Variants in MECOM observed in about 807,000 individuals in gnomAD.
MECOM encodes histone-lysine N-methyltransferase MECOM.
A neutral mutation model predicts 116.3 loss-of-function variants in MECOM; 13 were observed. The observed-to-expected ratio is 0.11, with a 90% CI of 0.07 to 0.18. The LOEUF (loss-of-function observed/expected upper bound fraction) is 0.18. Among genes scored for constraint, MECOM ranks in the 10% least tolerant of loss-of-function variants. The pLI is 1.00. For missense variants in MECOM, 1,299 were observed against 1,509.0 expected (o/e 0.86, Z 2.31); for synonymous variants, 528 against 535.2 (o/e 0.99, Z 0.19).
chr3:169,447,845 C>T (rs1744909896), intron 1 of MECOM: 1 of 152,214 alleles, frequency 6.6e-6, no homozygotes, highest in South Asian at 2.1e-4. Flanking sequence ...AGAAAAAGCA[C>T]AAATGTGACC....
At chr3:169,154,154 G>A (rs16853262) in intron 2 of MECOM, among the ~76,000 whole-genome samples, 11,959 of 152,138 alleles carry the variant, frequency 0.079, 574 homozygotes, top group South Asian at 0.21. Flanking sequence ...TTCTCTGCCA[G>A]TCAGTAAGAG....
At chr3:169,354,546 C>A (rs1560167686) in intron 2 of MECOM, among the ~76,000 whole-genome samples, 2 of 151,806 alleles carry the variant, frequency 1.3e-5, no homozygotes, top group Non-Finnish European at 2.9e-5. Context: ...GGTCGTATTA[C>A]CCATAGGTTA....
chr3:169,237,305 A>G (rs1349510428), intron 2 of MECOM, among the ~76,000 whole-genome samples: 1 of 152,182 alleles, frequency 6.6e-6, no homozygotes, highest in African/African-American at 2.4e-5. Context: ...CTTCAATGTA[A>G]TACTGAAATG....
intron 1 of MECOM, among the ~76,000 whole-genome samples, chr3:169,447,156 C>CCCAATTT (rs1290504162): frequency 6.6e-6 from 1 of 152,114 alleles, no homozygotes; most frequent in African/African-American, 2.4e-5. Flanking sequence ...CTCTGAACCA[C>CCCAATTT]CCAATTTCTT....
intron 2 of MECOM, among the ~76,000 whole-genome samples, chr3:169,210,177 A>C (rs1750527854): frequency 6.6e-6 from 1 of 151,978 alleles, no homozygotes; most frequent in Non-Finnish European, 1.5e-5. Context: ...CACTGGGGCC[A>C]GTCGGGAGTG....
At chr3:169,322,041 A>T (rs1292006889) in intron 2 of MECOM, among the ~76,000 whole-genome samples, 1 of 152,204 alleles carries the variant, frequency 6.6e-6, no homozygotes, top group Non-Finnish European at 1.5e-5. Context: ...ATAATCTTAC[A>T]AAATAATATT....
At chr3:169,421,534 T>C (rs1274615628) in intron 1 of MECOM, among the ~76,000 whole-genome samples, 1 of 152,152 alleles carries the variant, frequency 6.6e-6, no homozygotes, top group African/African-American at 2.4e-5. Context: ...TTTGCTCTTC[T>C]GCTTCTTAAC....
intron 1 of MECOM, among the ~76,000 whole-genome samples, chr3:169,535,192 T>C (rs1317436863): frequency 6.6e-6 from 1 of 152,156 alleles, no homozygotes; most frequent in Admixed American, 6.5e-5. Context: ...TCCCACTTGA[T>C]GCGAAAGCCT....
At chr3:169,219,988 C>G (rs1751924754) in intron 2 of MECOM, among the ~76,000 whole-genome samples, 1 of 148,748 alleles carries the variant, frequency 6.7e-6, no homozygotes, top group Non-Finnish European at 1.5e-5. Context: ...TACATTTTAA[C>G]AAATATAAAT....
At chr3:169,605,451 G>T (rs1768406462) in intron 1 of MECOM, among the ~76,000 whole-genome samples, 1 of 152,202 alleles carries the variant, frequency 6.6e-6, no homozygotes, top group African/African-American at 2.4e-5. Flanking sequence ...GAAGAAAAGA[G>T]ATTAAGTGAC....
chr3:169,168,384 G>T (rs1395086485), intron 2 of MECOM, among the ~76,000 whole-genome samples: 6 of 131,846 alleles, frequency 4.6e-5, no homozygotes, highest in East Asian at 2.3e-4. Flanking sequence ...TAAACTACTT[G>T]GTTCTTTATT....
chr3:169,577,779 C>T (rs548675001), intron 1 of MECOM, among the ~76,000 whole-genome samples: 2 of 152,266 alleles, frequency 1.3e-5, no homozygotes, highest in African/African-American at 2.4e-5. Flanking sequence ...TTTCATTGTA[C>T]ATCTTCTGGA....
intron 2 of MECOM, among the ~76,000 whole-genome samples, chr3:169,261,612 A>G (rs1236646331): frequency 6.6e-6 from 1 of 152,158 alleles, no homozygotes. Flanking sequence ...GAAGAAGGAG[A>G]ATCACTTGAA....
chr3:169,500,799 T>C (rs1469278181), intron 1 of MECOM, among the ~76,000 whole-genome samples: 2 of 151,984 alleles, frequency 1.3e-5, no homozygotes, highest in Non-Finnish European at 2.9e-5. Context: ...ACATGTATAA[T>C]ATTAGATTAT....
chr3:169,647,278 G>T (rs1774307066), intron 1 of MECOM, among the ~76,000 whole-genome samples: 1 of 152,208 alleles, frequency 6.6e-6, no homozygotes, highest in Non-Finnish European at 1.5e-5. Context: ...TCATCTCTAA[G>T]CTAAGACAAT....
intron 2 of MECOM, among the ~76,000 whole-genome samples, chr3:169,314,723 C>T (rs1013338722): frequency 1.3e-5 from 2 of 151,898 alleles, no homozygotes; most frequent in Non-Finnish European, 2.9e-5. Flanking sequence ...GAAAAAAAAG[C>T]AAGCATTGGC....
intron 2 of MECOM, among the ~76,000 whole-genome samples, chr3:169,158,460 G>A (rs934730309): frequency 6.6e-6 from 1 of 152,170 alleles, no homozygotes; most frequent in East Asian, 1.9e-4. Flanking sequence ...ACCCAGGAAA[G>A]AGCATGAGAC....
At chr3:169,412,445 C>T (rs983379909) in intron 1 of MECOM, among the ~76,000 whole-genome samples, 1 of 152,104 alleles carries the variant, frequency 6.6e-6, no homozygotes, top group Admixed American at 6.5e-5. Context: ...CTGCGTTTCT[C>T]ATCTGGCTTC....
chr3:169,168,433 G>C (rs1010963676), intron 2 of MECOM, among the ~76,000 whole-genome samples: 1 of 151,164 alleles, frequency 6.6e-6, no homozygotes, highest in Non-Finnish European at 1.5e-5. Flanking sequence ...GGCTGAGAGA[G>C]ATGAGTTTAA....
Sources: gnomAD v4.1 joint callset for allele counts (sites outside exome capture counted in the v4.1 genomes callset) on GRCh38, gnomAD v4.1.1 for gene constraint, MANE v1.5 for transcripts, NCBI Gene and HGNC (gene_info 2026-07-23, HGNC 2026-07-21) for gene names.